The following DISP3 variants were observed in gnomAD, a reference collection of about 807,000 sequenced individuals.
DISP3 encodes the protein protein dispatched homolog 3.
Under a neutral mutation model 135.3 loss-of-function variants are expected in DISP3, and 101 were observed. The ratio of observed to expected loss-of-function variants is 0.75; its 90% CI spans 0.64 to 0.88. The LOEUF is 0.88. Ranked by LOEUF, DISP3 falls within the 40% of genes least tolerant of loss-of-function variation. The pLI, the probability that DISP3 is intolerant of heterozygous loss-of-function variation, is 0.00. For synonymous variants in DISP3, 856 were observed against 817.0 expected, an observed-to-expected ratio of 1.05 and a Z score of -0.81; for missense variants, 1,713 against 1,878.6, an observed-to-expected ratio of 0.91 and a Z score of 1.63.
intron 19 of DISP3, 130 bp from the exon 20 acceptor site, chr1:11,535,348 T>C: frequency 3.0e-6 from 4 of 1,327,512 alleles, no homozygotes; most frequent in Non-Finnish European, 4.1e-6. Context: ...GTCCCCTCCC[T>C]CAGGGGTCCC....
At position 11,508,284 on chromosome 1, in the gene DISP3, G is replaced by A. The variant is rs542616365; in HGVS notation, c.1316+5387G>A. 2.0e-5 allele frequency among the ~76,000 whole-genome samples: 3 copies of A among 152,252 alleles called. 1 individual carries two copies. The South Asian group carries it at 6.2e-4, about 32-fold the overall frequency. ...CACACAAAAATTAGCCAGGCATGGT[G>A]ACACATGCCTGTAGTCCTTGCTACT... On this transcript the variant is annotated intron_variant, in intron 3 of 20. Transcript: ENST00000294484.
rs931937716 is a variant in DISP3, at chr1:11,491,640, C to T, written c.-3-9350C>T. Among the ~76,000 whole-genome samples, 6 of 151,950 alleles carry T rather than the reference C, an allele frequency of 3.9e-5. No homozygotes were observed. Among genetic ancestry groups the T allele is most frequent in the Admixed American group, 1.3e-4 (2 of 15,252 alleles). On this transcript the variant is annotated intron_variant, in intron 1 of 20. Transcript: ENST00000294484. This position sits in a 1 kb window ranked among gnomAD's most constrained non-coding sequence, Gnocchi z 4.3. ...CAAACAAACAAAACAAAACAAAACC[C>T]GGATTCCTGGGCCCCACCTCCTCTG...
rs1356020686 is a variant in DISP3, at chr1:11,516,365, C to T, written c.1749+204C>T. 6.6e-6 allele frequency among the ~76,000 whole-genome samples: 1 copy of T among 152,240 alleles called. No homozygotes were observed. The highest frequency in any genetic ancestry group is 1.5e-5 in the Non-Finnish European group (1 of 68,042). ...GGGAATATTATAATAATCCAGACAG[C>T]ATGCATTAGGGATCCTCAGTAGTAG... On this transcript the variant is annotated intron_variant, in intron 6 of 20. Coordinates refer to ENST00000294484, the MANE Select transcript of DISP3 (RefSeq NM_020780.2). This position sits in a 1 kb window ranked among gnomAD's most constrained non-coding sequence, Gnocchi z 5.1.
rs1388068148 is a variant in DISP3 at position 11,534,844 on chromosome 1, C to G, written c.3536-167C>G. ...CTAGGCTCCGGGCTGAGGGCCTGAC[C>G]TGTGTTCTCTTCAACTCCAAACAAG... On this transcript the variant is annotated intron_variant, in intron 18 of 20. Transcript: ENST00000294484. The G allele has an allele frequency of 3.8e-6, 3 of 791,310 alleles. No homozygotes were observed. The African/African-American group carries it at 5.1e-5, about 13-fold the overall frequency. The allele number at this position is 791,310 out of a possible 1,614,324, so 49.0% of individuals were successfully genotyped here. A position where few individuals can be genotyped will look rare whatever the true frequency, so the allele number is the denominator to read the frequency against.
Position 11,501,511 on chromosome 1 carries a change from C to G in DISP3, c.519C>G (p.Arg173=). 1 of 1,605,284 alleles carries G rather than the reference C, an allele frequency of 6.2e-7. No individual in the cohort carries two copies. Among genetic ancestry groups the G allele is most frequent in the East Asian group, 2.2e-5 (1 of 44,758 alleles). The change falls in exon 2 of 21, where the codon CGC becomes CGG. Residue 173 remains arginine (R), a synonymous_variant. Coordinates refer to ENST00000294484, the MANE Select transcript of DISP3 (RefSeq NM_020780.2). This position sits in a 1 kb window ranked among gnomAD's most constrained non-coding sequence, Gnocchi z 4.9. ...NRSRQASRAP[R]VIPAASLGGP... is the part of the protein sequence containing the mutation. ...CGCGGCAAGCCTCCCGAGCCCCCCGCGTCATCCCCGCGGCCTCACTCGGTG... is the reference window on the plus strand; with the variant it reads ...CGCGGCAAGCCTCCCGAGCCCCCCGGGTCATCCCCGCGGCCTCACTCGGTG...
rs772516887 is a variant in DISP3, at chr1:11,502,913, G to A, written c.1316+16G>A. On this transcript the variant is annotated intron_variant, in intron 3 of 20. Transcript: ENST00000294484. ...AGTCTACCAGGTAGGAAGTCCAGCTGCATCCTGTGTGTGCATGCCCATTTT... is the reference window on the plus strand; with the variant it reads ...AGTCTACCAGGTAGGAAGTCCAGCTACATCCTGTGTGTGCATGCCCATTTT... 13 of 1,597,362 alleles carry A rather than the reference G, an allele frequency of 8.1e-6. 1 individual carries two copies. In the East Asian group the frequency reaches 2.2e-4, roughly 27 times the overall value.
chr1:11,502,895 C>T lies in DISP3; in HGVS notation c.1314C>T (p.Thr438=), dbSNP rs745578969. 1.9e-6 allele frequency: 3 copies of T among 1,610,956 alleles called. No individual in the cohort carries two copies. Among genetic ancestry groups the T allele is most frequent in the South Asian group, 2.2e-5 (2 of 90,586 alleles). The change falls in exon 3 of 21, where the codon ACC becomes ACT. Residue 438 remains threonine (T), a splice_region_variant and synonymous_variant. Transcript: ENST00000294484. Reference sequence around the variant, plus strand: ...TGGCCATGCTGGCCAAGCAGTCTACCAGGTAGGAAGTCCAGCTGCATCCTG... The same window carrying T: ...TGGCCATGCTGGCCAAGCAGTCTACTAGGTAGGAAGTCCAGCTGCATCCTG... The part of the protein sequence containing the change: ...TYVAMLAKQS[T]SKVQVLYGGT...
In DISP3 at chr1:11,515,447, G is replaced by A. The variant is rs1445002859; in HGVS notation, c.1532G>A (p.Gly511Asp). Residue 511 changes from glycine to aspartate, a missense_variant, in exon 5 of 21, where the codon GGT (glycine) becomes GAT (aspartate). Transcript: ENST00000294484. ...VALFLYHVVF[G>D]IQYLGILNGV... The stretch of plus-strand genomic sequence containing the variant: ...CTCTTCCTGTACCACGTGGTCTTTG[G>A]TATCCAGTACTTGGGCATCCTGAAT... The A allele has an allele frequency of 1.2e-6, 2 of 1,613,666 alleles. No homozygotes were observed. Among genetic ancestry groups the A allele is most frequent in the African/African-American group, 1.3e-5 (1 of 74,946 alleles).
At chr1:11,500,318 G>A (rs554743496) in intron 1 of DISP3, among the ~76,000 whole-genome samples, 2 of 152,350 alleles carry the variant, frequency 1.3e-5, no homozygotes, top group Admixed American at 6.5e-5. Flanking sequence ...GTCCCCAGCC[G>A]GGAGCAGGGA....
In DISP3 at chr1:11,531,656, G is replaced by A. The variant is rs550957280; in HGVS notation, c.3321G>A (p.Gly1107=). ...TGCTCCCGGGGCAGCTGTCCCACGG[G>A]GCAGTGGGCGTCAGGGAGGGCCGCG... is the stretch of plus-strand genomic sequence containing the variant. ...PNLLPGQLSH[G]AVGVREGRVQ... is the part of the protein sequence containing the mutation. The change falls in exon 17 of 21, where the codon GGG becomes GGA. Residue 1107 remains glycine (G), a synonymous_variant. Transcript: ENST00000294484. The surrounding 1 kb of genome is among the most constrained non-coding windows in gnomAD (Gnocchi z 5.2). 28 of 1,613,044 alleles carry A rather than the reference G, an allele frequency of 1.7e-5. No homozygotes were observed. In the South Asian group the frequency reaches 3.1e-4, roughly 18 times the overall value.
At chr1:11,481,847 C>T (rs1305543067) in intron 1 of DISP3, 2 of 152,168 alleles carry the variant, frequency 1.3e-5, no homozygotes, top group South Asian at 2.1e-4. Flanking sequence ...TCATCCTGTT[C>T]CCTGAGTGAG....
intron 17 of DISP3, among the ~76,000 whole-genome samples, chr1:11,532,790 C>T (rs1035988747): frequency 3.9e-5 from 6 of 152,122 alleles, no homozygotes; most frequent in Admixed American, 3.3e-4. Context: ...CTCCACCTCC[C>T]GGGTTCAAGC....
At chr1:11,480,134 C>A (rs1327287625) in intron 1 of DISP3, among the ~76,000 whole-genome samples, 1 of 152,198 alleles carries the variant, frequency 6.6e-6, no homozygotes, top group Non-Finnish European at 1.5e-5. Flanking sequence ...GGCAGCAGGG[C>A]TGGGAAGGCG....
intron 3 of DISP3, among the ~76,000 whole-genome samples, chr1:11,508,044 G>A (rs1641753988): frequency 2.6e-5 from 4 of 152,132 alleles, no homozygotes. Flanking sequence ...AGGCATAGTT[G>A]ACATACAACC....
At chr1:11,502,598 A>G (rs1641578454) in intron 2 of DISP3, 80 bp from the exon 3 acceptor site, 2 of 1,145,514 alleles carry the variant, frequency 1.7e-6, no homozygotes, top group South Asian at 1.5e-5. Context: ...CAGGGCTGCA[A>G]TGAGACTGGA....
intron 4 of DISP3, among the ~76,000 whole-genome samples, chr1:11,514,850 G>C (rs1641957596): frequency 6.6e-6 from 1 of 152,134 alleles, no homozygotes; most frequent in Non-Finnish European, 1.5e-5. Flanking sequence ...TTACTTTGTA[G>C]CCTATTTTGG....
chr1:11,532,456 G>A (rs1355153464), intron 17 of DISP3, among the ~76,000 whole-genome samples: 1 of 152,128 alleles, frequency 6.6e-6, no homozygotes, highest in Non-Finnish European at 1.5e-5. Context: ...TCAATGTGAC[G>A]GCTTAACTGG....
intron 3 of DISP3, among the ~76,000 whole-genome samples, chr1:11,510,991 T>A (rs1641840687): frequency 6.6e-6 from 1 of 152,156 alleles, no homozygotes; most frequent in Non-Finnish European, 1.5e-5. Context: ...AAACACCTGA[T>A]AAACCCATCA....
Position 11,519,456 on chromosome 1 carries a change from C to T in DISP3, c.1991C>T (p.Pro664Leu). 1 of 1,613,816 alleles carries T rather than the reference C, an allele frequency of 6.2e-7. No individual in the cohort carries two copies. Among genetic ancestry groups the T allele is most frequent in the Non-Finnish European group, 8.5e-7 (1 of 1,180,030 alleles). ...VGGSPAQGPI[P>L]YLDDDIPLLE... ...GGCAGCCCTGCCCAGGGCCCCATACCCTACCTGGATGATGACATCCCCTTG... is the reference window on the plus strand; with the variant it reads ...GGCAGCCCTGCCCAGGGCCCCATACTCTACCTGGATGATGACATCCCCTTG... The change falls in exon 8 of 21, where the codon CCC becomes CTC. Residue 664 changes from proline to leucine, a missense_variant. Around this residue, in one of 2 missense-constraint regions of DISP3, gnomAD observed 1,142 missense variants for 1,384.6 expected, o/e 0.82. Transcript: ENST00000294484. This position sits in a 1 kb window ranked among gnomAD's most constrained non-coding sequence, Gnocchi z 4.3.
Sources: allele counts gnomAD v4.1 joint callset (sites outside exome capture counted in the v4.1 genomes callset), GRCh38; gene constraint gnomAD v4.1.1; regional missense constraint gnomAD v4.1.1; non-coding constraint Gnocchi (gnomAD v3.1); transcripts MANE v1.5; gene names NCBI Gene and HGNC (gene_info 2026-07-23, HGNC 2026-07-21).